RALY: variants seen among roughly 807,000 people sequenced by gnomAD.
RALY encodes RNA-binding protein Raly.
In RALY, 15 loss-of-function variants were observed where a neutral mutation model predicts 30.7. That is an observed-to-expected ratio of 0.49 (90% CI 0.33 to 0.75). The LOEUF (loss-of-function observed/expected upper bound fraction) is 0.75. RALY is among the 30% of genes least tolerant of loss of function. RALY has a pLI of 0.02. For synonymous variants in RALY, 177 were observed against 170.8 expected (o/e 1.04, Z -0.28); for missense variants, 339 against 414.3 (o/e 0.82, Z 1.58).
intron 5 of RALY, among the ~76,000 whole-genome samples, chr20:34,075,267 A>G (rs1390222796): frequency 6.6e-6 from 1 of 152,088 alleles, no homozygotes; most frequent in Non-Finnish European, 1.5e-5. Context: ...TATGCCTCTG[A>G]GGTCATGGGT....
At chr20:34,072,599 C>T (rs901791338) in intron 3 of RALY, among the ~76,000 whole-genome samples, 1 of 152,190 alleles carries the variant, frequency 6.6e-6, no homozygotes, top group East Asian at 1.9e-4. Context: ...AATGCAGATT[C>T]TCCAGAGAAA....
intron 2 of RALY, among the ~76,000 whole-genome samples, chr20:34,062,876 C>T (rs1244384247): frequency 3.3e-5 from 5 of 152,342 alleles, no homozygotes; most frequent in African/African-American, 1.2e-4. Flanking sequence ...GGGCGGGGGC[C>T]ATCCCCAAAG....
At chr20:34,067,871 G>C (rs1287957539) in intron 2 of RALY, among the ~76,000 whole-genome samples, 3 of 148,590 alleles carry the variant, frequency 2.0e-5, no homozygotes, top group Non-Finnish European at 4.4e-5. Flanking sequence ...AGTGTCCTGG[G>C]GGCCTGTCTC....
chr20:34,072,424 T>C, intron 3 of RALY, 94 bp downstream of exon 3: 1 of 1,409,050 alleles, frequency 7.1e-7, no homozygotes, highest in Non-Finnish European at 9.5e-7. Flanking sequence ...CTCTCACCGC[T>C]ACCACTGCTC....
At chr20:34,061,951 C>G (rs888203934) in intron 2 of RALY, among the ~76,000 whole-genome samples, 2 of 152,198 alleles carry the variant, frequency 1.3e-5, no homozygotes, top group Admixed American at 6.5e-5. Context: ...ATCACTGACC[C>G]TAACTTACTT....
chr20:34,078,670 C>A, intron 9 of RALY, 117 bp downstream of exon 9: 1 of 957,334 alleles, frequency 1.0e-6, no homozygotes, highest in South Asian at 2.8e-5. Context: ...GTAGCACTGA[C>A]TATACCCAAG....
intron 8 of RALY, chr20:34,077,729 A>G (rs1180172848): frequency 4.4e-6 from 1 of 226,288 alleles, no homozygotes; most frequent in Non-Finnish European, 8.9e-6. Flanking sequence ...CAAGGAGCTT[A>G]TGTTGAGTGG....
intron 2 of RALY, among the ~76,000 whole-genome samples, chr20:34,033,554 G>GC (rs2032365300): frequency 6.6e-6 from 1 of 152,072 alleles, no homozygotes; most frequent in East Asian, 1.9e-4. Flanking sequence ...GAGGGGAGAT[G>GC]CCAGGCTCTT....
intron 2 of RALY, among the ~76,000 whole-genome samples, chr20:34,047,506 A>G (rs569740067): frequency 6.6e-6 from 1 of 152,176 alleles, no homozygotes; most frequent in African/African-American, 2.4e-5. Flanking sequence ...TTGGTGGCAA[A>G]TGCCTAATGT....
chr20:34,009,671 CTT>C (rs1272987209), intron 1 of RALY, among the ~76,000 whole-genome samples: 1 of 152,156 alleles, frequency 6.6e-6, no homozygotes, highest in African/African-American at 2.4e-5. Context: ...TTGGCAGAAG[CTT>C]TGAGTTTACA....
intron 2 of RALY, among the ~76,000 whole-genome samples, chr20:34,065,389 A>G (rs2033541748): frequency 6.6e-6 from 1 of 152,120 alleles, no homozygotes; most frequent in Non-Finnish European, 1.5e-5. Flanking sequence ...TAAGAACAGC[A>G]GAGCCAAGGC....
intron 1 of RALY, chr20:34,014,894 T>C (rs2031546667): frequency 6.6e-6 from 1 of 152,212 alleles, no homozygotes; most frequent in Admixed American, 6.5e-5. Flanking sequence ...ACAGTCTAAA[T>C]TTAACATGAA....
chr20:34,035,567 A>G (rs1340921083), intron 2 of RALY, among the ~76,000 whole-genome samples: 1 of 152,098 alleles, frequency 6.6e-6, no homozygotes, highest in African/African-American at 2.4e-5. Flanking sequence ...CCACGACCTA[A>G]AACCCTGGTC....
At chr20:34,077,278 C>A (rs74408725) in intron 8 of RALY, 33 bp downstream of exon 8, 12 of 1,611,112 alleles carry the variant, frequency 7.4e-6, no homozygotes, top group Non-Finnish European at 1.0e-5. Context: ...GACTGGGACT[C>A]GACTGTGCTC....
At chr20:34,078,386 TCTGA>T in intron 8 of RALY, 115 bp from the exon 9 acceptor site, 1 of 855,610 alleles carries the variant, frequency 1.2e-6, no homozygotes, top group Non-Finnish European at 1.7e-6. Context: ...TCCTGCGTCT[TCTGA>T]CTGTGTCCTC....
At chr20:34,028,705 C>CAAAAAAAA (rs71338492) in intron 1 of RALY, among the ~76,000 whole-genome samples, 1 of 20,448 alleles carries the variant, frequency 4.9e-5, no homozygotes, top group Non-Finnish European at 1.1e-4. Context: ...GACTCCATCT[C>CAAAAAAAA]AAAAAAAAAA....
chr20:34,001,529 C>T (rs1360510677), intron 1 of RALY, among the ~76,000 whole-genome samples: 2 of 152,154 alleles, frequency 1.3e-5, no homozygotes, highest in African/African-American at 4.8e-5. Context: ...ATTCCAGAGG[C>T]ATTTATCTGG....
At chr20:34,076,899 TA>T in intron 7 of RALY, 84 bp downstream of exon 7, 2 of 1,587,650 alleles carry the variant, frequency 1.3e-6, no homozygotes, top group Non-Finnish European at 1.7e-6. Context: ...AGAGAGGAGC[TA>T]GGGTGGCCCT....
chr20:34,071,086 G>A (rs2033713109), intron 2 of RALY, among the ~76,000 whole-genome samples: 3 of 151,988 alleles, frequency 2.0e-5, no homozygotes, highest in Admixed American at 6.6e-5. Flanking sequence ...AGCACCAAGG[G>A]GGAAATGCAT....
Sources: gnomAD v4.1 joint callset for allele counts (sites outside exome capture counted in the v4.1 genomes callset) on GRCh38, gnomAD v4.1.1 for gene constraint, MANE v1.5 for transcripts, NCBI Gene and HGNC (gene_info 2026-07-23, HGNC 2026-07-21) for gene names.